The following RMST variants were observed in gnomAD, a reference collection of about 807,000 sequenced individuals.
RMST encodes rhabdomyosarcoma 2 associated transcript, also known as long intergenic non-protein coding RNA 54.
At chr12:97,476,407 G>A (rs148917955) in intron 5 of RMST, among the ~76,000 whole-genome samples, 219 of 152,204 alleles carry the variant, frequency 1.4e-3, no homozygotes, top group Non-Finnish European at 2.3e-3. Context: ...ATAGAAACTC[G>A]GAAATAGCAC....
chr12:97,488,519 G>C (rs1394827689), intron 5 of RMST, among the ~76,000 whole-genome samples: 1 of 152,152 alleles, frequency 6.6e-6, no homozygotes, highest in African/African-American at 2.4e-5. Context: ...TGGTCTCTGA[G>C]GTACTGGGAA....
intron 10 of RMST, among the ~76,000 whole-genome samples, chr12:97,501,871 GC>G (rs1294595267): frequency 6.6e-6 from 1 of 152,118 alleles, no homozygotes; most frequent in Non-Finnish European, 1.5e-5. Context: ...TGCTTATTTG[GC>G]AATATTATAT....
chr12:97,465,642 T>C (rs1036969723), intron 4 of RMST: 1 of 152,140 alleles, frequency 6.6e-6, no homozygotes, highest in African/African-American at 2.4e-5. Flanking sequence ...AGTAATATGC[T>C]AATAGTTTTA....
Position 97,477,234 on chromosome 12 carries a change from C to T in RMST, n.644+11507C>T, listed in dbSNP as rs984107320. On this transcript the variant is annotated intron_variant and non_coding_transcript_variant, in intron 5 of 13. Coordinates refer to ENST00000640149, the Ensembl canonical transcript of RMST. ...GAAAGCCAGCAATATAAAATATCAA[C>T]GTGGAAACCTAAGGAGGAAGTAGAT... Among the ~76,000 whole-genome samples the T allele has an allele frequency of 3.9e-5, 6 of 152,182 alleles. No homozygotes were observed. In the South Asian group the frequency reaches 8.3e-4, roughly 21 times the overall value.
intron 11 of RMST, among the ~76,000 whole-genome samples, chr12:97,541,012 G>GTATATA (rs145399907): frequency 2.7e-5 from 4 of 146,436 alleles, no homozygotes; most frequent in African/African-American, 7.5e-5. Context: ...TGTCCCAGGT[G>GTATATA]TATATATATA....
intron 10 of RMST, among the ~76,000 whole-genome samples, chr12:97,512,328 T>G (rs985441358): frequency 6.6e-6 from 1 of 152,124 alleles, no homozygotes; most frequent in Non-Finnish European, 1.5e-5. Context: ...GCAAGATTTA[T>G]TGCAAAGAGA....
At chr12:97,483,014 A>C (rs977595759) in intron 5 of RMST, among the ~76,000 whole-genome samples, 1 of 151,846 alleles carries the variant, frequency 6.6e-6, no homozygotes, top group African/African-American at 2.4e-5. Context: ...GACCAGGTGC[A>C]CGGCTCACGG....
chr12:97,525,581 G>A (rs189619056), intron 10 of RMST, among the ~76,000 whole-genome samples: 1 of 152,114 alleles, frequency 6.6e-6, no homozygotes, highest in Admixed American at 6.5e-5. Context: ...TCTGTCCCCA[G>A]ACCCAAGTTT....
At chr12:97,520,865 G>T (rs1222287929) in intron 10 of RMST, among the ~76,000 whole-genome samples, 2 of 152,166 alleles carry the variant, frequency 1.3e-5, no homozygotes, top group Non-Finnish European at 2.9e-5. Flanking sequence ...ATCTACCATG[G>T]AAACATAAGA....
chr12:97,489,942 G>GGTA (rs1876578347), intron 5 of RMST, among the ~76,000 whole-genome samples: 1 of 152,188 alleles, frequency 6.6e-6, no homozygotes, highest in Non-Finnish European at 1.5e-5. Flanking sequence ...ACTTGGAATA[G>GGTA]GTAGCATCAG....
intron 5 of RMST, among the ~76,000 whole-genome samples, chr12:97,490,336 A>T (rs2136447563): frequency 6.6e-6 from 1 of 152,332 alleles, no homozygotes; most frequent in African/African-American, 2.4e-5. Context: ...ACCATCTAAG[A>T]GAAAACAGAC....
chr12:97,520,054 C>T (rs1880354194), intron 10 of RMST, among the ~76,000 whole-genome samples: 2 of 152,138 alleles, frequency 1.3e-5, no homozygotes, highest in African/African-American at 4.8e-5. Flanking sequence ...AGTTCAAGCG[C>T]TTGGTAAAGT....
intron 10 of RMST, among the ~76,000 whole-genome samples, chr12:97,498,779 C>T (rs1309369185): frequency 1.3e-5 from 2 of 152,160 alleles, no homozygotes; most frequent in African/African-American, 4.8e-5. Flanking sequence ...ACTGCTAAGA[C>T]CTCCTTTCAA....
intron 11 of RMST, among the ~76,000 whole-genome samples, chr12:97,546,114 AT>A (rs1350859897): frequency 6.6e-6 from 1 of 152,062 alleles, no homozygotes; most frequent in African/African-American, 2.4e-5. Context: ...AACTATTGTT[AT>A]TTTTTTATGG....
intron 11 of RMST, among the ~76,000 whole-genome samples, chr12:97,535,792 TCACTCTAGAGGAA>T: frequency 6.6e-6 from 1 of 151,736 alleles, no homozygotes; most frequent in Non-Finnish European, 1.5e-5. Flanking sequence ...CTGTACTGAT[TCACTCTAGAGGAA>T]GTATGAGAAG....
intron 11 of RMST, among the ~76,000 whole-genome samples, chr12:97,559,499 C>T (rs1883962837): frequency 6.6e-6 from 1 of 152,120 alleles, no homozygotes; most frequent in Non-Finnish European, 1.5e-5. Flanking sequence ...TCCCCCCACC[C>T]CTCCCCTTGG....
intron 11 of RMST, among the ~76,000 whole-genome samples, chr12:97,544,162 C>T (rs1227472499): frequency 6.6e-6 from 1 of 151,874 alleles, no homozygotes; most frequent in African/African-American, 2.4e-5. Context: ...ATTAACAAGC[C>T]CAAAGCATAT....
At chr12:97,475,368 T>A (rs1874416231) in intron 5 of RMST, among the ~76,000 whole-genome samples, 2 of 152,184 alleles carry the variant, frequency 1.3e-5, no homozygotes, top group East Asian at 1.9e-4. Flanking sequence ...TCTTCTCAGC[T>A]GATGTCACCT....
intron 5 of RMST, among the ~76,000 whole-genome samples, chr12:97,483,075 A>G (rs1450840532): frequency 6.6e-6 from 1 of 152,022 alleles, no homozygotes; most frequent in Admixed American, 6.6e-5. Context: ...ACTGTATGCT[A>G]TTGTCAGTTT....
Sources: allele counts gnomAD v4.1 joint callset (sites outside exome capture counted in the v4.1 genomes callset), GRCh38; gene constraint gnomAD v4.1.1; transcripts MANE v1.5; gene names NCBI Gene and HGNC (gene_info 2026-07-23, HGNC 2026-07-21).